The following LIN9 variants were observed in gnomAD, a reference collection of about 807,000 sequenced individuals.
LIN9 encodes lin-9 DREAM MuvB core complex component.
LIN9 carries 18 observed loss-of-function variants against 78.0 expected under a neutral mutation model. That is an observed-to-expected ratio of 0.23 (90% confidence interval 0.16 to 0.34). The LOEUF (loss-of-function observed/expected upper bound fraction) is 0.34. Among genes scored for constraint, LIN9 ranks in the 10% least tolerant of loss-of-function variants. The probability of loss-of-function intolerance (pLI) is 1.00; values close to 1 mark genes in which losing one functional copy is unlikely to be tolerated. For synonymous variants in LIN9, 192 were observed against 215.2 expected (o/e 0.89, Z 0.94); for missense variants, 451 against 644.1 (o/e 0.70, Z 3.25).
intron 6 of LIN9, among the ~76,000 whole-genome samples, chr1:226,278,384 G>T (rs1417129560): frequency 4.0e-5 from 6 of 150,768 alleles, no homozygotes; most frequent in Admixed American, 4.0e-4. Context: ...AGCTGAGATT[G>T]CGCCACTGCA....
At chr1:226,281,882 C>T (rs1037277317) in intron 6 of LIN9, among the ~76,000 whole-genome samples, 6 of 151,842 alleles carry the variant, frequency 4.0e-5, no homozygotes, top group East Asian at 1.9e-4. Context: ...TTAGTAGAGA[C>T]GGGGTTTCAC....
chr1:226,253,548 G>A (rs1658987068), intron 10 of LIN9, among the ~76,000 whole-genome samples: 2 of 151,272 alleles, frequency 1.3e-5, no homozygotes, highest in Non-Finnish European at 2.9e-5. Flanking sequence ...ATTAGCCTCA[G>A]CCTCCCAAAG....
Position 226,287,771 on chromosome 1 carries a change from T to C in LIN9, c.291A>G (p.Pro97=), listed in dbSNP as rs756722235. 1.9e-6 allele frequency: 3 copies of C among 1,553,360 alleles called. No homozygotes were observed. In the East Asian group the frequency reaches 7.3e-5, roughly 38 times the overall value. The change falls in exon 5 of 15, where the codon CCA becomes CCG. Residue 97 remains proline, a synonymous_variant. Coordinates refer to ENST00000681046, the MANE Select transcript of LIN9 (RefSeq NM_001366245.2). ...PQKFTATMST[P]DKKASQKIGF... ...CAATCTTCTGTGAAGCTTTCTTATCTGGTGTTGACATTGTTGCTGTAAATT... is the reference window on the plus strand; with the variant it reads ...CAATCTTCTGTGAAGCTTTCTTATCCGGTGTTGACATTGTTGCTGTAAATT...
At chr1:226,300,672 A>G (rs909700026) in intron 2 of LIN9, among the ~76,000 whole-genome samples, 2 of 152,194 alleles carry the variant, frequency 1.3e-5, no homozygotes, top group African/African-American at 2.4e-5. Flanking sequence ...CCTGGCCAAC[A>G]TGGTGAAATC....
At chr1:226,259,290 C>G (rs992694589) in intron 10 of LIN9, among the ~76,000 whole-genome samples, 1 of 152,074 alleles carries the variant, frequency 6.6e-6, no homozygotes, top group Non-Finnish European at 1.5e-5. Flanking sequence ...TGCCTAATAA[C>G]AGAACATCAA....
intron 6 of LIN9, 125 bp downstream of exon 6, chr1:226,286,208 C>T: frequency 2.2e-6 from 2 of 902,332 alleles, no homozygotes; most frequent in Non-Finnish European, 3.3e-6. Flanking sequence ...CAGCATACTA[C>T]AGCCCTGAAC....
At chr1:226,260,628 G>GTTTTTTTTTTTTTTTTTTTTTTTTTTT (rs559460640) in intron 10 of LIN9, among the ~76,000 whole-genome samples, 2 of 73,428 alleles carry the variant, frequency 2.7e-5, no homozygotes, top group Admixed American at 1.9e-4. Flanking sequence ...GGCCAAATGA[G>GTTTTTTTTTTTTTTTTTTTTTTTTTTT]TTTTTTTTTT....
intron 14 of LIN9, 61 bp downstream of exon 14, chr1:226,233,035 C>T (rs1255376414): frequency 2.9e-5 from 29 of 992,342 alleles, no homozygotes; most frequent in Admixed American, 1.5e-4. Flanking sequence ...TTCTTAAAAC[C>T]TGGACTGAAA....
chr1:226,270,952 C>G (rs2102924015), intron 7 of LIN9, among the ~76,000 whole-genome samples: 1 of 150,844 alleles, frequency 6.6e-6, no homozygotes, highest in South Asian at 2.1e-4. Context: ...CCATTTACTC[C>G]TTTAGATAAC....
chr1:226,237,183 CATGTACCATCAGCTTTGTT>C (rs1295333526), intron 12 of LIN9, among the ~76,000 whole-genome samples: 2 of 152,168 alleles, frequency 1.3e-5, no homozygotes, highest in East Asian at 3.9e-4. Flanking sequence ...CCCGTTTCTG[CATGTACCATCAGCTTTGTT>C]ATGTGTCATC....
At chr1:226,308,781 C>G (rs1663088392) in intron 1 of LIN9, 1 of 186,538 alleles carries the variant, frequency 5.4e-6, no homozygotes. Context: ...ACAGCCCCCG[C>G]GCCCAGGGGC....
intron 4 of LIN9, among the ~76,000 whole-genome samples, chr1:226,289,123 T>C (rs1441504084): frequency 1.3e-5 from 2 of 151,960 alleles, no homozygotes; most frequent in Admixed American, 1.3e-4. Flanking sequence ...TAGTGCCAGC[T>C]ACTCAGGAGG....
At chr1:226,297,612 A>G (rs1444610911) in intron 3 of LIN9, 107 bp downstream of exon 3, 9 of 604,346 alleles carry the variant, frequency 1.5e-5, no homozygotes, top group African/African-American at 6.8e-5. Flanking sequence ...TGAGGTTGGG[A>G]AAAAAACTTG....
chr1:226,268,188 T>C, intron 7 of LIN9, 98 bp from the exon 8 acceptor site: 1 of 1,145,930 alleles, frequency 8.7e-7, no homozygotes, highest in Non-Finnish European at 1.2e-6. Context: ...TAGTACAGTA[T>C]TTTGTCTATT....
At chr1:226,309,260 G>C, upstream of LIN9, 3 of 1,212,184 alleles carry the variant, frequency 2.5e-6, no homozygotes, top group Non-Finnish European at 3.1e-6. Flanking sequence ...GCGCTGCGCT[G>C]CTCCCGCCGC....
chr1:226,252,258 G>A (rs1260783565), intron 10 of LIN9, among the ~76,000 whole-genome samples: 3 of 150,612 alleles, frequency 2.0e-5, no homozygotes, highest in Admixed American at 6.6e-5. Flanking sequence ...TCCAGCCTGG[G>A]CAACAGAGCA....
At chr1:226,245,754 C>T (rs373248496) in intron 11 of LIN9, among the ~76,000 whole-genome samples, 10 of 152,126 alleles carry the variant, frequency 6.6e-5, no homozygotes, top group East Asian at 1.9e-4. Flanking sequence ...TGTGCCACCA[C>T]GCCTGGCTAA....
At chr1:226,274,375 T>G (rs1660498850) in intron 7 of LIN9, among the ~76,000 whole-genome samples, 1 of 152,240 alleles carries the variant, frequency 6.6e-6, no homozygotes, top group East Asian at 1.9e-4. Flanking sequence ...ATATCAGTGC[T>G]CCTCTTACAT....
At chr1:226,273,376 G>A (rs1422245160) in intron 7 of LIN9, among the ~76,000 whole-genome samples, 3 of 148,360 alleles carry the variant, frequency 2.0e-5, no homozygotes, top group Non-Finnish European at 4.4e-5. Flanking sequence ...AGCCTTCCAA[G>A]GAACTGGAAC....
Sources: gnomAD v4.1 joint callset for allele counts (sites outside exome capture counted in the v4.1 genomes callset) on GRCh38, gnomAD v4.1.1 for gene constraint, MANE v1.5 for transcripts, NCBI Gene and HGNC (gene_info 2026-07-23, HGNC 2026-07-21) for gene names.